INPP4B: variants seen among roughly 807,000 people sequenced by gnomAD.
The protein encoded by INPP4B is inositol polyphosphate 4-phosphatase type II.
INPP4B carries 55 observed loss-of-function variants against 122.5 expected under a neutral mutation model. The observed-to-expected ratio is 0.45, with a 90% CI of 0.36 to 0.56. INPP4B has a LOEUF of 0.56. Ranked by LOEUF, INPP4B falls within the 20% of genes least tolerant of loss-of-function variation. The probability of loss-of-function intolerance (pLI) is 0.00; values close to 1 mark genes in which losing one functional copy is unlikely to be tolerated. For synonymous variants in INPP4B, 403 were observed against 388.7 expected (o/e 1.04, Z -0.43); for missense variants, 1,000 against 1,097.7 (o/e 0.91, Z 1.26).
Position 142,028,855 on chromosome 4 carries a change from T to C in INPP4B, c.2702A>G (p.Asn901Ser), listed in dbSNP as rs368806872. The change falls in exon 26 of 26, where the codon AAC (asparagine) becomes AGC (serine). Residue 901 changes from asparagine (N) to serine (S), a missense_variant. Asn to Ser is a conservative substitution (Grantham distance 46). Transcript: ENST00000262992. ...GGGGAAAGCCATCAGCTGTAGCATG[T>C]TGAAAGCATACTTTCTGCATTTGAT... ...KNIKCRKYAF[N>S]MLQLMAFPKY... 5 of 1,613,628 alleles carry C rather than the reference T, an allele frequency of 3.1e-6. No individual in the cohort carries two copies. The Admixed American group carries it at 6.7e-5, about 22-fold the overall frequency.
chr4:142,657,848 T>C (rs972598703), intron 2 of INPP4B, among the ~76,000 whole-genome samples: 1 of 152,222 alleles, frequency 6.6e-6, no homozygotes, highest in Non-Finnish European at 1.5e-5. Flanking sequence ...CTGGAAGATA[T>C]TTAACGGATT....
intron 12 of INPP4B, among the ~76,000 whole-genome samples, chr4:142,221,610 T>A (rs1363459329): frequency 6.6e-6 from 1 of 151,980 alleles, no homozygotes; most frequent in Admixed American, 6.6e-5. Context: ...AAGGAGGTTT[T>A]TTTTTTATGT....
chr4:142,489,252 C>A (rs1319231069), intron 2 of INPP4B, among the ~76,000 whole-genome samples: 1 of 152,122 alleles, frequency 6.6e-6, no homozygotes, highest in African/African-American at 2.4e-5. Flanking sequence ...TAAAAAATTA[C>A]TGAAACCTTC....
chr4:142,774,436 C>T (rs1773544478), intron 1 of INPP4B, among the ~76,000 whole-genome samples: 1 of 152,052 alleles, frequency 6.6e-6, no homozygotes, highest in Non-Finnish European at 1.5e-5. Flanking sequence ...ATTATTCTTT[C>T]AATCTAAGTT....
At chr4:142,219,625 G>T (rs989140255) in intron 12 of INPP4B, among the ~76,000 whole-genome samples, 1 of 152,154 alleles carries the variant, frequency 6.6e-6, no homozygotes, top group African/African-American at 2.4e-5. Context: ...GTACTTAAAA[G>T]CTGTTTAAAC....
At chr4:142,474,323 A>G (rs938440224) in intron 2 of INPP4B, 1 of 152,142 alleles carries the variant, frequency 6.6e-6, no homozygotes, top group Non-Finnish European at 1.5e-5. Flanking sequence ...CAGCAGGGTA[A>G]GTGACCCTGC....
At chr4:142,138,572 T>C (rs1805979876) in intron 18 of INPP4B, among the ~76,000 whole-genome samples, 1 of 152,122 alleles carries the variant, frequency 6.6e-6, no homozygotes, top group South Asian at 2.1e-4. Flanking sequence ...CATTCCTTTT[T>C]CCAACAGATA....
intron 2 of INPP4B, among the ~76,000 whole-genome samples, chr4:142,694,914 A>T (rs568474830): frequency 6.6e-6 from 1 of 152,088 alleles, no homozygotes; most frequent in African/African-American, 2.4e-5. Flanking sequence ...GAGCAAAAAC[A>T]TAAGAAAAAC....
chr4:142,095,276 G>A (rs140857295), intron 23 of INPP4B, among the ~76,000 whole-genome samples: 17 of 152,268 alleles, frequency 1.1e-4, no homozygotes, highest in African/African-American at 3.4e-4. Context: ...TGTGGTTCAG[G>A]GAGGAGGAGA....
At chr4:142,152,341 C>T (rs773586833) in intron 17 of INPP4B, among the ~76,000 whole-genome samples, 1 of 152,092 alleles carries the variant, frequency 6.6e-6, no homozygotes, top group South Asian at 2.1e-4. Flanking sequence ...TCCCAAAGTG[C>T]TGGGATTACA....
chr4:142,431,118 C>T (rs1290591576), intron 4 of INPP4B, 51 bp downstream of exon 4: 1 of 1,390,752 alleles, frequency 7.2e-7, no homozygotes, highest in South Asian at 1.2e-5. Flanking sequence ...TTTCATCGGC[C>T]CAATTTGCAT....
intron 2 of INPP4B, among the ~76,000 whole-genome samples, chr4:142,677,083 A>T (rs1224202504): frequency 6.6e-6 from 1 of 152,188 alleles, no homozygotes; most frequent in Non-Finnish European, 1.5e-5. Context: ...AAATTTTTGC[A>T]ATCTATCCAT....
intron 10 of INPP4B, among the ~76,000 whole-genome samples, chr4:142,262,448 T>G (rs1359712676): frequency 6.6e-6 from 1 of 152,162 alleles, no homozygotes; most frequent in African/African-American, 2.4e-5. Context: ...ACTCCCTTAT[T>G]TCCTGAAAGT....
intron 5 of INPP4B, among the ~76,000 whole-genome samples, chr4:142,415,608 A>G (rs1025466490): frequency 3.9e-5 from 6 of 152,012 alleles, no homozygotes; most frequent in Admixed American, 6.6e-5. Context: ...TTCCTCAGGG[A>G]TCTAGAACTA....
chr4:142,416,676 T>C (rs1805839451), intron 5 of INPP4B, among the ~76,000 whole-genome samples: 1 of 152,164 alleles, frequency 6.6e-6, no homozygotes, highest in Non-Finnish European at 1.5e-5. Flanking sequence ...TCCATCTAGA[T>C]CATCCTTTGG....
chr4:142,335,689 T>C (rs1187456780), intron 7 of INPP4B, among the ~76,000 whole-genome samples: 3 of 152,176 alleles, frequency 2.0e-5, no homozygotes, highest in Non-Finnish European at 4.4e-5. Context: ...GGGCAGAACA[T>C]AGAGGAAAGT....
intron 7 of INPP4B, among the ~76,000 whole-genome samples, chr4:142,397,915 G>T (rs920144292): frequency 6.6e-6 from 1 of 152,002 alleles, no homozygotes; most frequent in African/African-American, 2.4e-5. Flanking sequence ...CTACTGTGGG[G>T]AAATAAAAGT....
intron 25 of INPP4B, among the ~76,000 whole-genome samples, chr4:142,041,365 C>A (rs1057282364): frequency 3.9e-5 from 6 of 152,068 alleles, no homozygotes; most frequent in Non-Finnish European, 2.9e-5. Flanking sequence ...TGCCTGTAAT[C>A]CCAGCACTTT....
At chr4:142,670,597 A>C (rs1756854951) in intron 2 of INPP4B, among the ~76,000 whole-genome samples, 2 of 152,158 alleles carry the variant, frequency 1.3e-5, no homozygotes, top group Admixed American at 1.3e-4. Context: ...AATAGAAAAA[A>C]GTTGATGTCA....
Sources: allele counts gnomAD v4.1 joint callset (sites outside exome capture counted in the v4.1 genomes callset), GRCh38; gene constraint gnomAD v4.1.1; transcripts MANE v1.5; gene names NCBI Gene and HGNC (gene_info 2026-07-23, HGNC 2026-07-21).